The following NFAM1 variants were observed in gnomAD, a reference collection of about 807,000 sequenced individuals.
NFAM1 encodes the protein NFAT activation molecule 1.
Under a neutral mutation model 29.0 loss-of-function variants are expected in NFAM1, and 17 were observed. The ratio of observed to expected loss-of-function variants is 0.59; its 90% CI spans 0.40 to 0.88. NFAM1 has a LOEUF of 0.88. Among genes scored for constraint, NFAM1 ranks in the 40% least tolerant of loss-of-function variants. The pLI, the probability that NFAM1 is intolerant of heterozygous loss-of-function variation, is 0.00. For missense variants in NFAM1, 324 were observed against 344.6 expected, an observed-to-expected ratio of 0.94 and a Z score of 0.47; for synonymous variants, 175 against 147.2, an observed-to-expected ratio of 1.19 and a Z score of -1.36.
chr22:42,412,514 C>T (rs906233528), intron 1 of NFAM1, among the ~76,000 whole-genome samples: 4 of 152,354 alleles, frequency 2.6e-5, no homozygotes, highest in African/African-American at 9.6e-5. Flanking sequence ...CCAGAGCCTG[C>T]GCTCCCAACC....
chr22:42,435,352 T>C (rs886961669), upstream of NFAM1, among the ~76,000 whole-genome samples: 4 of 150,286 alleles, frequency 2.7e-5, no homozygotes, highest in Non-Finnish European at 3.0e-5. Flanking sequence ...TTCTTTCTTT[T>C]TTTTTTTTTT....
intron 1 of NFAM1, among the ~76,000 whole-genome samples, chr22:42,429,940 T>C (rs893966259): frequency 6.6e-6 from 1 of 151,916 alleles, no homozygotes. Context: ...GACAGATAGA[T>C]GAAGGGGGAT....
In NFAM1 at chr22:42,409,597, G is replaced by A. The variant is rs772388212; in HGVS notation, c.452-50C>T. ...AGGGGTCAGTGACCCAGGAGAAAGC[G>A]GGGCACACACACCTGATGTTCTCCC... On this transcript the variant is annotated intron_variant, in intron 2 of 5. Transcript: ENST00000329021. The surrounding 1 kb of genome is among the most constrained non-coding windows in gnomAD (Gnocchi z 4.9). 50 of 900,104 alleles carry A rather than the reference G, an allele frequency of 5.6e-5. No homozygotes were observed. Among genetic ancestry groups the A allele is most frequent in the Non-Finnish European group, 6.1e-5 (37 of 605,302 alleles). 55.8% of individuals were successfully genotyped at this position (900,104 alleles called of 1,614,324 possible).
intron 1 of NFAM1, among the ~76,000 whole-genome samples, chr22:42,416,369 C>A (rs1204665073): frequency 6.6e-6 from 1 of 152,056 alleles, no homozygotes; most frequent in African/African-American, 2.4e-5. Context: ...AGTGGTGGGG[C>A]CAGGCTTCGG....
Position 42,409,454 on chromosome 22 carries a change from G to A in NFAM1, c.545C>T (p.Ala182Val). The change falls in exon 3 of 6, where the codon GCC (alanine) becomes GTC (valine). Residue 182 changes from alanine (A) to valine (V), a missense_variant. By Grantham distance (64) the Ala-to-Val change is moderately conservative (BLOSUM62 0). Transcript: ENST00000329021. This position sits in a 1 kb window ranked among gnomAD's most constrained non-coding sequence, Gnocchi z 4.9. ...LLSVLSVVGTALLLWNKKRMR... is the reference protein window; with the variant it reads ...LLSVLSVVGTVLLLWNKKRMR... ...CCGTACCTTGTTCCAGAGCAGCAGG[G>A]CCGTGCCCACTACACTCAGGACACT... The A allele has an allele frequency of 6.5e-7, 1 of 1,527,772 alleles. No individual in the cohort carries two copies. Among genetic ancestry groups the A allele is most frequent in the Non-Finnish European group, 8.8e-7 (1 of 1,133,274 alleles). 94.6% of individuals were successfully genotyped at this position (1,527,772 alleles called of 1,614,324 possible). A position where few individuals can be genotyped will look rare whatever the true frequency, so the allele number is the denominator to read the frequency against.
chr22:42,399,827 C>T (rs969863746), intron 3 of NFAM1, among the ~76,000 whole-genome samples: 1 of 152,204 alleles, frequency 6.6e-6, no homozygotes, highest in Admixed American at 6.5e-5. Flanking sequence ...TAATTAAAAA[C>T]CCTGGCCTCC....
At position 42,409,064 on chromosome 22, in the gene NFAM1, TG is replaced by T. The variant is rs1018416050; in HGVS notation, c.564+370del. Among the ~76,000 whole-genome samples, 27 of 152,118 alleles carry T rather than the reference TG, an allele frequency of 1.8e-4. No individual in the cohort carries two copies. The highest frequency in any genetic ancestry group is 2.6e-4 in the Non-Finnish European group (18 of 67,996). On this transcript the variant is annotated intron_variant, in intron 3 of 5. Coordinates refer to ENST00000329021, the MANE Select transcript of NFAM1 (RefSeq NM_145912.8). The surrounding 1 kb of genome is among the most constrained non-coding windows in gnomAD (Gnocchi z 4.9). ...GTGGGAGAGCACCTGTGTGAGTGGC[TG>T]GTAGCCCCTTCATCCCTTCCAGCCT...
intron 1 of NFAM1, among the ~76,000 whole-genome samples, chr22:42,421,386 G>C (rs995276035): frequency 3.3e-5 from 5 of 151,046 alleles, no homozygotes; most frequent in African/African-American, 1.2e-4. Context: ...CAGAGGTTGC[G>C]GTGAGCCGAG....
At chr22:42,386,127 C>A in intron 5 of NFAM1, among the ~76,000 whole-genome samples, 1 of 152,120 alleles carries the variant, frequency 6.6e-6, no homozygotes. Context: ...TTAATCCCAG[C>A]ACTTTGGGAG....
At chr22:42,404,897 G>C (rs1157153438) in intron 3 of NFAM1, among the ~76,000 whole-genome samples, 2 of 150,224 alleles carry the variant, frequency 1.3e-5, no homozygotes, top group African/African-American at 4.9e-5. Context: ...TGTTCACTTA[G>C]TGGGCAGGGT....
intron 1 of NFAM1, among the ~76,000 whole-genome samples, chr22:42,426,307 A>G (rs1930620693): frequency 6.6e-6 from 1 of 152,164 alleles, no homozygotes; most frequent in South Asian, 2.1e-4. Context: ...CAGCAAGCAA[A>G]GATCTGGCCC....
At chr22:42,421,205 C>T (rs951026357) in intron 1 of NFAM1, among the ~76,000 whole-genome samples, 1 of 152,094 alleles carries the variant, frequency 6.6e-6, no homozygotes, top group Admixed American at 6.5e-5. Flanking sequence ...AATCCCAGCA[C>T]TCTGGGAGCG....
intron 2 of NFAM1, 51 bp downstream of exon 2, chr22:42,411,356 T>C (rs1271281733): frequency 1.4e-6 from 2 of 1,440,142 alleles, no homozygotes; most frequent in Non-Finnish European, 9.6e-7. Flanking sequence ...CAAACTGCCA[T>C]TTGAAACCTC....
intron 1 of NFAM1, among the ~76,000 whole-genome samples, chr22:42,418,977 G>A (rs1029854834): frequency 3.3e-5 from 5 of 152,162 alleles, no homozygotes; most frequent in Non-Finnish European, 5.9e-5. Flanking sequence ...TTTGTCAACC[G>A]CCCACGGGTG....
chr22:42,387,138 C>T (rs914784806), intron 4 of NFAM1, 60 bp from the exon 5 acceptor site: 7 of 982,210 alleles, frequency 7.1e-6, no homozygotes, highest in African/African-American at 1.7e-5. Flanking sequence ...TCCCTGGCCC[C>T]AGCAGCCAGC....
chr22:42,397,768 T>A, intron 4 of NFAM1, 90 bp downstream of exon 4: 1 of 790,102 alleles, frequency 1.3e-6, no homozygotes, highest in East Asian at 2.5e-5. Flanking sequence ...ACACAGCTGG[T>A]ACAAGACTGA....
chr22:42,392,892 C>G (rs1469955423), intron 4 of NFAM1, among the ~76,000 whole-genome samples: 3 of 152,004 alleles, frequency 2.0e-5, no homozygotes, highest in African/African-American at 7.3e-5. Flanking sequence ...TTCTGCCTCC[C>G]AGGTTCAAGT....
At chr22:42,425,814 G>T (rs1930603781) in intron 1 of NFAM1, among the ~76,000 whole-genome samples, 1 of 152,188 alleles carries the variant, frequency 6.6e-6, no homozygotes, top group South Asian at 2.1e-4. Context: ...TTGTTCCTTG[G>T]CTCTGCCCAC....
At chr22:42,424,462 A>G (rs1930557925) in intron 1 of NFAM1, among the ~76,000 whole-genome samples, 1 of 152,196 alleles carries the variant, frequency 6.6e-6, no homozygotes, top group African/African-American at 2.4e-5. Context: ...AACAACAAGA[A>G]AAAGAAATTC....
Sources: gnomAD v4.1 joint callset for allele counts (sites outside exome capture counted in the v4.1 genomes callset) on GRCh38, gnomAD v4.1.1 for gene constraint, Gnocchi (gnomAD v3.1) non-coding constraint, MANE v1.5 for transcripts, NCBI Gene and HGNC (gene_info 2026-07-23, HGNC 2026-07-21) for gene names.